The following PTPRT variants were observed in gnomAD, a reference collection of about 807,000 sequenced individuals.
PTPRT encodes the protein receptor-type tyrosine-protein phosphatase T.
Under a neutral mutation model 176.8 loss-of-function variants are expected in PTPRT, and 56 were observed. That is an observed-to-expected ratio of 0.32 (90% confidence interval 0.26 to 0.40). PTPRT has a LOEUF of 0.40. Among genes scored for constraint, PTPRT ranks in the 10% least tolerant of loss-of-function variants. The pLI is 1.00. For missense variants in PTPRT, 1,540 were observed against 1,908.2 expected, an observed-to-expected ratio of 0.81 and a Z score of 3.60; for synonymous variants, 783 against 739.0, an observed-to-expected ratio of 1.06 and a Z score of -0.96.
chr20:43,015,839 A>G (rs1985340036), intron 1 of PTPRT, among the ~76,000 whole-genome samples: 1 of 152,072 alleles, frequency 6.6e-6, no homozygotes, highest in Non-Finnish European at 1.5e-5. Flanking sequence ...TACACCTGTC[A>G]GCAGATTCCT....
intron 2 of PTPRT, among the ~76,000 whole-genome samples, chr20:42,879,733 ATGTG>A (rs11468460): frequency 0.033 from 4,989 of 149,000 alleles, 268 homozygotes; most frequent in African/African-American, 0.11. Flanking sequence ...GTTGGGTGAA[ATGTG>A]TGTGTGTGTG....
At chr20:43,152,425 T>C (rs958829650) in intron 1 of PTPRT, among the ~76,000 whole-genome samples, 2 of 152,182 alleles carry the variant, frequency 1.3e-5, no homozygotes, top group Non-Finnish European at 2.9e-5. Flanking sequence ...GAGTCAGGCG[T>C]CTTGTCCTGA....
chr20:42,437,207 C>T (rs944653279), intron 9 of PTPRT, among the ~76,000 whole-genome samples: 1 of 152,094 alleles, frequency 6.6e-6, no homozygotes, highest in Non-Finnish European at 1.5e-5. Context: ...AGAAAAGAGA[C>T]CCATGCACAG....
chr20:43,170,918 C>T lies in PTPRT; in HGVS notation c.88+18728G>A, dbSNP rs181265673. On this transcript the variant is annotated intron_variant, in intron 1 of 30. Coordinates refer to ENST00000373187, the MANE Select transcript of PTPRT (RefSeq NM_007050.6). ...ATTCAGAAGATTCTTGTGAATCTTT[C>T]GCAGCTTCGAAACTGAGACAATGCT... Among the ~76,000 whole-genome samples the T allele has an allele frequency of 9.2e-5, 14 of 152,276 alleles. No homozygotes were observed. In the East Asian group the frequency reaches 1.7e-3, roughly 19 times the overall value.
chr20:42,286,019 C>A (rs1008682888), intron 12 of PTPRT, among the ~76,000 whole-genome samples: 1 of 151,720 alleles, frequency 6.6e-6, no homozygotes, highest in African/African-American at 2.4e-5. Context: ...ACCTAGAAAT[C>A]AATTTAACCA....
downstream of PTPRT, among the ~76,000 whole-genome samples, chr20:42,071,933 CAG>C (rs1846323463): frequency 6.6e-6 from 1 of 152,188 alleles, no homozygotes; most frequent in Non-Finnish European, 1.5e-5. Flanking sequence ...GCTGAGATAA[CAG>C]GTGTAAGCCA....
intron 7 of PTPRT, among the ~76,000 whole-genome samples, chr20:42,577,069 G>T (rs1018826836): frequency 6.6e-6 from 1 of 152,130 alleles, no homozygotes; most frequent in Non-Finnish European, 1.5e-5. Flanking sequence ...CAGTATTTTA[G>T]AAACAAGTAG....
intron 1 of PTPRT, among the ~76,000 whole-genome samples, chr20:43,177,582 G>C (rs1400440896): frequency 6.6e-6 from 1 of 152,210 alleles, no homozygotes; most frequent in Non-Finnish European, 1.5e-5. Context: ...GGCTTTGGAA[G>C]TATGAGGAAA....
chr20:42,361,329 G>A (rs1029633952), intron 9 of PTPRT, among the ~76,000 whole-genome samples: 1 of 152,208 alleles, frequency 6.6e-6, no homozygotes, highest in Non-Finnish European at 1.5e-5. Context: ...TGTGTAAGTA[G>A]AAAGTCCTTT....
intron 7 of PTPRT, among the ~76,000 whole-genome samples, chr20:42,595,831 C>A (rs547294755): frequency 6.6e-6 from 1 of 152,178 alleles, no homozygotes; most frequent in Non-Finnish European, 1.5e-5. Flanking sequence ...TGGCACCTCA[C>A]CCCCACACCT....
rs139809142 is a variant in PTPRT, at chr20:42,921,738, C to T, written c.89-35806G>A. On this transcript the variant is annotated intron_variant, in intron 1 of 30. Transcript: ENST00000373187. ...CAGCATCCGATCTCAGAACACTGCA[C>T]CTTCACTCACTCCAATCAGGGTCTT... 9.8e-5 allele frequency among the ~76,000 whole-genome samples: 15 copies of T among 152,306 alleles called. No homozygotes were observed. In the East Asian group the frequency reaches 2.9e-3, roughly 29 times the overall value.
chr20:43,180,513 G>A (rs2146480495), intron 1 of PTPRT, among the ~76,000 whole-genome samples: 1 of 151,712 alleles, frequency 6.6e-6, no homozygotes, highest in Non-Finnish European at 1.5e-5. Context: ...TCCCGGGCAG[G>A]AGTGCAATGG....
intron 1 of PTPRT, among the ~76,000 whole-genome samples, chr20:43,153,563 A>C (rs1475081065): frequency 6.6e-6 from 1 of 152,230 alleles, no homozygotes; most frequent in Admixed American, 6.5e-5. Context: ...CAGAACTCAC[A>C]TTATACATTA....
chr20:42,793,005 A>G (rs2077399508), intron 2 of PTPRT, among the ~76,000 whole-genome samples: 1 of 152,192 alleles, frequency 6.6e-6, no homozygotes, highest in Admixed American at 6.5e-5. Context: ...CACCATGCAG[A>G]GCAGGCGGAT....
At chr20:42,552,142 A>G (rs1440982075) in intron 7 of PTPRT, among the ~76,000 whole-genome samples, 2 of 152,162 alleles carry the variant, frequency 1.3e-5, no homozygotes, top group African/African-American at 2.4e-5. Context: ...TTGTTGCTGG[A>G]CTCATGATGA....
chr20:43,002,914 C>G (rs1984654660), intron 1 of PTPRT, among the ~76,000 whole-genome samples: 2 of 145,294 alleles, frequency 1.4e-5, no homozygotes, highest in African/African-American at 5.1e-5. Flanking sequence ...ATAAATAAAT[C>G]TAAAATCTGG....
intron 5 of PTPRT, among the ~76,000 whole-genome samples, chr20:42,761,474 T>C (rs1275941839): frequency 6.6e-6 from 1 of 151,514 alleles, no homozygotes; most frequent in Non-Finnish European, 1.5e-5. Context: ...GTGAAATATC[T>C]AGCGCCATCT....
chr20:42,937,591 T>C (rs1980271892), intron 1 of PTPRT, among the ~76,000 whole-genome samples: 1 of 152,218 alleles, frequency 6.6e-6, no homozygotes, highest in African/African-American at 2.4e-5. Context: ...CCAGTTCACC[T>C]TGTGGAGCCA....
At chr20:43,120,204 A>G (rs573823919) in intron 1 of PTPRT, among the ~76,000 whole-genome samples, 55 of 152,296 alleles carry the variant, frequency 3.6e-4, no homozygotes, top group African/African-American at 1.3e-3. Flanking sequence ...TATCAAATAT[A>G]TAAAGGGTGT....
Sources: gnomAD v4.1 joint callset for allele counts (sites outside exome capture counted in the v4.1 genomes callset) on GRCh38, gnomAD v4.1.1 for gene constraint, MANE v1.5 for transcripts, NCBI Gene and HGNC (gene_info 2026-07-23, HGNC 2026-07-21) for gene names.